The following FAM107B variants were observed in gnomAD, a reference collection of about 807,000 sequenced individuals.
FAM107B encodes protein FAM107B.
FAM107B carries 21 observed loss-of-function variants against 31.5 expected under a neutral mutation model. The ratio of observed to expected loss-of-function variants is 0.67; its 90% CI spans 0.47 to 0.96. FAM107B has a LOEUF of 0.96. Among genes scored for constraint, FAM107B ranks in the 40% least tolerant of loss-of-function variants. FAM107B has a pLI of 0.00. For missense variants in FAM107B, 452 were observed against 377.1 expected (o/e 1.20, Z -1.64); for synonymous variants, 157 against 141.5 (o/e 1.11, Z -0.78).
intron 1 of FAM107B, among the ~76,000 whole-genome samples, chr10:14,734,021 A>T (rs1856235059): frequency 6.6e-6 from 1 of 152,222 alleles, no homozygotes; most frequent in African/African-American, 2.4e-5. Context: ...GAATTAATAC[A>T]TGGGCTGCCA....
intron 2 of FAM107B, among the ~76,000 whole-genome samples, chr10:14,575,821 T>C (rs1320024493): frequency 6.6e-6 from 1 of 152,106 alleles, no homozygotes; most frequent in Non-Finnish European, 1.5e-5. Context: ...TGACCCTCAG[T>C]ATAAAAACAC....
At chr10:14,685,975 A>T (rs1270411914) in intron 1 of FAM107B, among the ~76,000 whole-genome samples, 1 of 152,104 alleles carries the variant, frequency 6.6e-6, no homozygotes, top group African/African-American at 2.4e-5. Flanking sequence ...CATTTATAAA[A>T]CCATCAGATC....
intron 2 of FAM107B, among the ~76,000 whole-genome samples, chr10:14,531,579 T>C (rs1847013445): frequency 6.8e-6 from 1 of 147,004 alleles, no homozygotes; most frequent in Non-Finnish European, 1.5e-5. Flanking sequence ...CAGTGGCTCA[T>C]ATATGTAACC....
At chr10:14,688,536 A>T (rs975941386) in intron 1 of FAM107B, among the ~76,000 whole-genome samples, 1 of 152,182 alleles carries the variant, frequency 6.6e-6, no homozygotes, top group African/African-American at 2.4e-5. Flanking sequence ...CAATAAACTC[A>T]TTAAAAAGAT....
At chr10:14,620,658 T>G (rs1852986873) in intron 2 of FAM107B, among the ~76,000 whole-genome samples, 1 of 152,124 alleles carries the variant, frequency 6.6e-6, no homozygotes, top group Admixed American at 6.6e-5. Flanking sequence ...ATTAGGTATT[T>G]CTCCTAATGC....
intron 2 of FAM107B, among the ~76,000 whole-genome samples, chr10:14,622,407 A>C (rs1853036537): frequency 6.6e-6 from 1 of 150,528 alleles, no homozygotes; most frequent in Non-Finnish European, 1.5e-5. Context: ...TCCCTGGTTC[A>C]GAGATTCTCC....
At chr10:14,628,130 T>TTTTTTTTTTTTTTTTTTTTTTG in intron 2 of FAM107B, among the ~76,000 whole-genome samples, 1 of 144,184 alleles carries the variant, frequency 6.9e-6, no homozygotes, top group Non-Finnish European at 1.5e-5. Context: ...TTTTTTTTTT[T>TTTTTTTTTTTTTTTTTTTTTTG]TTTGAGATGG....
At chr10:14,534,500 T>C (rs11812660) in intron 2 of FAM107B, among the ~76,000 whole-genome samples, 3 of 152,146 alleles carry the variant, frequency 2.0e-5, no homozygotes, top group African/African-American at 4.8e-5. Context: ...ATAAGGCAAC[T>C]CTTGCGTCTC....
At chr10:14,768,749 G>A (rs1833236570) in intron 1 of FAM107B, among the ~76,000 whole-genome samples, 1 of 152,108 alleles carries the variant, frequency 6.6e-6, no homozygotes, top group Non-Finnish European at 1.5e-5. Context: ...ACAAATTTTT[G>A]GTTATCATTT....
At chr10:14,761,266 G>A (rs903790863) in intron 1 of FAM107B, among the ~76,000 whole-genome samples, 1 of 152,148 alleles carries the variant, frequency 6.6e-6, no homozygotes, top group Admixed American at 6.6e-5. Flanking sequence ...ATCAAACATT[G>A]GTTTTGCCTT....
chr10:14,583,906 G>A (rs747473747), intron 2 of FAM107B, among the ~76,000 whole-genome samples: 6 of 152,180 alleles, frequency 3.9e-5, no homozygotes, highest in South Asian at 2.1e-4. Context: ...CACTCTCCCC[G>A]AAAGGGACTC....
intron 2 of FAM107B, among the ~76,000 whole-genome samples, chr10:14,647,510 C>G (rs1040169619): frequency 3.9e-5 from 6 of 151,950 alleles, no homozygotes; most frequent in Non-Finnish European, 8.8e-5. Context: ...GAAACCCCGT[C>G]TCTACTAAAA....
At chr10:14,614,537 G>A (rs1347615561) in intron 2 of FAM107B, among the ~76,000 whole-genome samples, 1 of 151,452 alleles carries the variant, frequency 6.6e-6, no homozygotes, top group South Asian at 2.1e-4. Context: ...GCCAGGCATG[G>A]TGGCGCATGC....
chr10:14,726,158 T>C (rs1856031184), intron 1 of FAM107B, among the ~76,000 whole-genome samples: 1 of 152,156 alleles, frequency 6.6e-6, no homozygotes, highest in South Asian at 2.1e-4. Context: ...CACACCTGGC[T>C]AATTTTGTAT....
chr10:14,558,807 A>G (rs1849943507), intron 2 of FAM107B, among the ~76,000 whole-genome samples: 1 of 152,134 alleles, frequency 6.6e-6, no homozygotes, highest in African/African-American at 2.4e-5. Flanking sequence ...AGGTGTAGTG[A>G]AAATGTGCCT....
At chr10:14,723,645 T>C (rs1434854861) in intron 1 of FAM107B, 2 of 729,322 alleles carry the variant, frequency 2.7e-6, no homozygotes, top group Non-Finnish European at 5.0e-6. Flanking sequence ...TAACATAGGA[T>C]TACTCTGCGA....
rs556210975 is a variant in FAM107B at position 14,702,182 on chromosome 10, A to C, written c.412-34491T>G. ...ACACGCACATAGCTTGTTTATGCTC[A>C]TCCACAATATTTTATGTATTTGGAA... On this transcript the variant is annotated intron_variant, in intron 1 of 4. Coordinates refer to ENST00000181796, the MANE Select transcript of FAM107B (RefSeq NM_031453.4). Among the ~76,000 whole-genome samples, 319 of 152,350 alleles carry C rather than the reference A, an allele frequency of 2.1e-3. 1 individual carries two copies. Among genetic ancestry groups the C allele is most frequent in the Non-Finnish European group, 3.9e-3 (263 of 68,040 alleles).
chr10:14,743,459 T>G (rs1002129229), intron 1 of FAM107B, among the ~76,000 whole-genome samples: 29 of 152,192 alleles, frequency 1.9e-4, no homozygotes, highest in African/African-American at 7.0e-4. Context: ...TTGCATAGAT[T>G]TTCTTCTAGG....
chr10:14,745,603 G>T (rs1037357556), intron 1 of FAM107B, among the ~76,000 whole-genome samples: 2 of 152,154 alleles, frequency 1.3e-5, no homozygotes, highest in South Asian at 2.1e-4. Flanking sequence ...CCATGTAGTT[G>T]TGTGGTTTTG....
Sources: gnomAD v4.1 joint callset for allele counts (sites outside exome capture counted in the v4.1 genomes callset) on GRCh38, gnomAD v4.1.1 for gene constraint, MANE v1.5 for transcripts, NCBI Gene and HGNC (gene_info 2026-07-23, HGNC 2026-07-21) for gene names.